SMARCC1: variants seen among roughly 807,000 people sequenced by gnomAD.
SMARCC1 encodes the protein SWI/SNF related BAF chromatin remodeling complex subunit C1, also known as SWI/SNF complex subunit SMARCC1.
Under a neutral mutation model 147.4 loss-of-function variants are expected in SMARCC1, and 43 were observed. That is an observed-to-expected ratio of 0.29 (90% CI 0.23 to 0.38). The LOEUF (loss-of-function observed/expected upper bound fraction) is 0.38. Among genes scored for constraint, SMARCC1 ranks in the 10% least tolerant of loss-of-function variants. The pLI is 1.00. For missense variants in SMARCC1, 1,119 were observed against 1,381.1 expected, an observed-to-expected ratio of 0.81 and a Z score of 3.01; for synonymous variants, 495 against 484.4, an observed-to-expected ratio of 1.02 and a Z score of -0.29.
intron 2 of SMARCC1, among the ~76,000 whole-genome samples, chr3:47,769,372 C>T (rs1258399525): frequency 1.3e-5 from 2 of 151,748 alleles, no homozygotes; most frequent in Non-Finnish European, 2.9e-5. Flanking sequence ...AAAAATTAGC[C>T]GGGCGCAGTG....
At chr3:47,659,884 G>C (rs1378695689) in intron 21 of SMARCC1, among the ~76,000 whole-genome samples, 1 of 150,912 alleles carries the variant, frequency 6.6e-6, no homozygotes, top group Non-Finnish European at 1.5e-5. Context: ...CAAACCACTA[G>C]ATTGGCTATT....
intron 21 of SMARCC1, among the ~76,000 whole-genome samples, chr3:47,657,169 A>C: frequency 6.6e-6 from 1 of 152,224 alleles, no homozygotes; most frequent in East Asian, 1.9e-4. Context: ...TAATAGTTGG[A>C]GATTTCAATA....
chr3:47,641,709 T>G (rs115191576), intron 21 of SMARCC1, among the ~76,000 whole-genome samples: 1 of 152,180 alleles, frequency 6.6e-6, no homozygotes, highest in Non-Finnish European at 1.5e-5. Flanking sequence ...AAAACTTGAA[T>G]GTTATCTTAA....
chr3:47,590,527 T>G, intron 27 of SMARCC1, 134 bp downstream of exon 27: 59 of 686,880 alleles, frequency 8.6e-5, no homozygotes, highest in Non-Finnish European at 1.2e-4. Flanking sequence ...AACTGGTCTT[T>G]GAGAAGCCAC....
Position 47,633,817 on chromosome 3 carries a change from C to CACACAT in SMARCC1, c.2646+1372_2646+1373insATGTGT, listed in dbSNP as rs1406763088. On this transcript the variant is annotated intron_variant, in intron 24 of 27. Transcript: ENST00000254480. Reference sequence around the variant, plus strand: ...ACACACACACACACACACACACACACATATATATAAAATGTGAGAGACTAT... The same window carrying CACACAT: ...ACACACACACACACACACACACACACACACATATATATATAAAATGTGAGAGACTAT... Among the ~76,000 whole-genome samples the CACACAT allele has an allele frequency of 1.2e-4, 15 of 125,396 alleles. 1 individual carries two copies. The highest frequency in any genetic ancestry group is 2.1e-4 in the African/African-American group (7 of 33,900). The allele number at this position is 125,396 out of a possible 152,430, so 82.3% of individuals were successfully genotyped here. A position where few individuals can be genotyped will look rare whatever the true frequency, so the allele number is the denominator to read the frequency against.
intron 9 of SMARCC1, among the ~76,000 whole-genome samples, chr3:47,709,265 GA>G (rs577960472): frequency 6.9e-6 from 1 of 145,132 alleles, no homozygotes; most frequent in Non-Finnish European, 1.5e-5. Flanking sequence ...CTTGTCAAGG[GA>G]AAAAAAAAAT....
rs1290596958 is a variant in SMARCC1, at chr3:47,650,364, CA to C, written c.2320+10929del. Among the ~76,000 whole-genome samples the C allele has an allele frequency of 1.0e-4, 15 of 149,256 alleles. No individual in the cohort carries two copies. In the South Asian group the frequency reaches 3.0e-3, roughly 30 times the overall value. On this transcript the variant is annotated intron_variant, in intron 21 of 27. Coordinates refer to ENST00000254480, the MANE Select transcript of SMARCC1 (RefSeq NM_003074.4). ...TTTCTTTAGATAGCTAAATAAATAT[CA>C]AAAAGTTGAACCTAACTAGTAGGTA...
chr3:47,762,958 C>G (rs1393942554), intron 2 of SMARCC1, among the ~76,000 whole-genome samples: 1 of 150,392 alleles, frequency 6.6e-6, no homozygotes, highest in Admixed American at 6.7e-5. Context: ...CCCAGCTACT[C>G]GGGAGGCTGA....
chr3:47,634,743 C>T (rs2032946153), intron 24 of SMARCC1, among the ~76,000 whole-genome samples: 1 of 152,102 alleles, frequency 6.6e-6, no homozygotes, highest in African/African-American at 2.4e-5. Flanking sequence ...AGAAAAAGAG[C>T]TATTTTAGGG....
chr3:47,604,222 G>T, intron 26 of SMARCC1: 3 of 456,760 alleles, frequency 6.6e-6, no homozygotes, highest in Non-Finnish European at 4.4e-6. Flanking sequence ...CTGATGGAGA[G>T]TTTTGTAGAG....
At chr3:47,620,820 C>T (rs1265182414) in intron 25 of SMARCC1, among the ~76,000 whole-genome samples, 2 of 152,136 alleles carry the variant, frequency 1.3e-5, no homozygotes, top group Non-Finnish European at 2.9e-5. Flanking sequence ...AGATTAAGTT[C>T]TCCTTTCTAG....
chr3:47,686,664 A>T (rs2106769864), intron 13 of SMARCC1, among the ~76,000 whole-genome samples: 1 of 152,300 alleles, frequency 6.6e-6, no homozygotes, highest in Middle Eastern at 3.4e-3. Context: ...TATTATTTGT[A>T]ACCTAATGAA....
chr3:47,703,954 AC>A (rs1171303641), intron 10 of SMARCC1, among the ~76,000 whole-genome samples: 1 of 151,434 alleles, frequency 6.6e-6, no homozygotes, highest in Non-Finnish European at 1.5e-5. Context: ...CTGCCACCAC[AC>A]CCGGCTAATT....
chr3:47,733,682 C>A (rs1463765537), intron 5 of SMARCC1, among the ~76,000 whole-genome samples: 1 of 151,350 alleles, frequency 6.6e-6, no homozygotes, highest in Non-Finnish European at 1.5e-5. Context: ...GTCAAGAGAT[C>A]GAAACCCCGT....
intron 26 of SMARCC1, among the ~76,000 whole-genome samples, chr3:47,599,843 G>A (rs927515329): frequency 6.6e-6 from 1 of 152,352 alleles, no homozygotes; most frequent in Non-Finnish European, 1.5e-5. Flanking sequence ...ATCTGGCAAA[G>A]AGGAGCATCA....
In SMARCC1 at chr3:47,717,087, T is replaced by C. The variant is rs2034164842; in HGVS notation, c.717-2597A>G. ...TTGTATATACTTTTAAAATGTTGAA[T>C]GAATCTAAAGACAAACTTCCTTCTT... On this transcript the variant is annotated intron_variant, in intron 7 of 27. Transcript: ENST00000254480. Among the ~76,000 whole-genome samples the C allele has an allele frequency of 2.0e-5, 3 of 152,220 alleles. No homozygotes were observed. In the South Asian group the frequency reaches 6.2e-4, roughly 31 times the overall value.
chr3:47,662,664 G>A (rs1317946563), intron 19 of SMARCC1, 72 bp from the exon 20 acceptor site: 1 of 1,295,492 alleles, frequency 7.7e-7, no homozygotes, highest in African/African-American at 1.5e-5. Flanking sequence ...AAGTTCTTTA[G>A]ATAGCTTTTT....
intron 12 of SMARCC1, among the ~76,000 whole-genome samples, chr3:47,689,644 CAG>C (rs2033767417): frequency 6.6e-6 from 1 of 152,150 alleles, no homozygotes; most frequent in Non-Finnish European, 1.5e-5. Flanking sequence ...AAATTTCAAA[CAG>C]TGGGGAATTT....
chr3:47,600,998 TGA>T (rs66582985), intron 26 of SMARCC1, among the ~76,000 whole-genome samples: 1,193 of 85,088 alleles, frequency 0.014, 13 homozygotes, highest in African/African-American at 0.031. Context: ...AGGAAGAAAA[TGA>T]GAGAGAGAGA....
Sources: gnomAD v4.1 joint callset for allele counts (sites outside exome capture counted in the v4.1 genomes callset) on GRCh38, gnomAD v4.1.1 for gene constraint, MANE v1.5 for transcripts, NCBI Gene and HGNC (gene_info 2026-07-23, HGNC 2026-07-21) for gene names.